The following ABR variants were observed in gnomAD, a reference collection of about 807,000 sequenced individuals.
The protein encoded by ABR is ABR activator of RhoGEF and GTPase.
Under a neutral mutation model 107.2 loss-of-function variants are expected in ABR, and 35 were observed. The observed-to-expected ratio is 0.33, with a 90% CI of 0.25 to 0.43. The LOEUF (loss-of-function observed/expected upper bound fraction) is 0.43. Among genes scored for constraint, ABR ranks in the 20% least tolerant of loss-of-function variants. The pLI, the probability that ABR is intolerant of heterozygous loss-of-function variation, is 1.00. For missense variants in ABR, 815 were observed against 1,115.2 expected, an observed-to-expected ratio of 0.73 and a Z score of 3.83; for synonymous variants, 498 against 462.0, an observed-to-expected ratio of 1.08 and a Z score of -1.00.
intron 2 of ABR, among the ~76,000 whole-genome samples, chr17:1,107,245 C>T (rs750666391): frequency 5.3e-5 from 8 of 152,212 alleles, no homozygotes; most frequent in African/African-American, 1.7e-4. Flanking sequence ...TCTTGGCATC[C>T]GTGGGCCACC....
chr17:1,126,119 G>A (rs570590534), intron 1 of ABR, among the ~76,000 whole-genome samples: 2 of 152,326 alleles, frequency 1.3e-5, no homozygotes, highest in Non-Finnish European at 2.9e-5. Flanking sequence ...GGGCTCCAGA[G>A]CCCAGGCACG....
rs200428540 is a variant in ABR, at chr17:1,012,674, G to A, written c.1961+14C>T. ...CACCGACGCCAGGACTGGGAGACCC[G>A]AGGCAGCACCTACTTCGTCACCACG... On this transcript the variant is annotated intron_variant, in intron 18 of 22. Coordinates refer to ENST00000302538, the MANE Select transcript of ABR (RefSeq NM_021962.5). 154 of 1,559,744 alleles carry A rather than the reference G, an allele frequency of 9.9e-5. No homozygotes were observed. The highest frequency in any genetic ancestry group is 6.7e-4 in the Middle Eastern group (4 of 5,932).
At chr17:1,199,059 A>AAG (rs2042624273) in intron 1 of ABR, among the ~76,000 whole-genome samples, 1 of 148,580 alleles carries the variant, frequency 6.7e-6, no homozygotes, top group Admixed American at 6.7e-5. Context: ...GACTCGAAAA[A>AAG]AAAAAAAAGA....
At chr17:1,056,698 C>A (rs573656320) in intron 13 of ABR, among the ~76,000 whole-genome samples, 1 of 152,172 alleles carries the variant, frequency 6.6e-6, no homozygotes, top group South Asian at 2.1e-4. Context: ...ATTTCCCATA[C>A]ACCATTTTAT....
intron 16 of ABR, chr17:1,031,654 G>C (rs1014424539): frequency 7.9e-7 from 1 of 1,258,718 alleles, no homozygotes; most frequent in Admixed American, 4.2e-5. Flanking sequence ...CCGGTGTTGG[G>C]GGGGCGCTTG....
At chr17:1,221,896 G>A (rs768164329) in intron 1 of ABR, among the ~76,000 whole-genome samples, 6 of 152,078 alleles carry the variant, frequency 3.9e-5, no homozygotes, top group Non-Finnish European at 7.4e-5. Context: ...TAGGGACAGC[G>A]GTAAGTAAAA....
intron 1 of ABR, among the ~76,000 whole-genome samples, chr17:1,153,043 G>T (rs145698775): frequency 1.1e-3 from 165 of 152,296 alleles, no homozygotes; most frequent in African/African-American, 3.7e-3. Context: ...TTGCACTCCA[G>T]CCTGAGCAAC....
intron 2 of ABR, among the ~76,000 whole-genome samples, chr17:1,124,787 T>G (rs2039515093): frequency 6.6e-6 from 1 of 152,106 alleles, no homozygotes; most frequent in South Asian, 2.1e-4. Flanking sequence ...GGGAGCAGCA[T>G]CTGAACACCT....
At chr17:1,191,049 C>T (rs982897263), upstream of ABR, among the ~76,000 whole-genome samples, 1 of 152,310 alleles carries the variant, frequency 6.6e-6, no homozygotes, top group African/African-American at 2.4e-5. Context: ...GTAACCACCA[C>T]GCCGGCCCGA....
chr17:1,033,969 ATTT>A (rs560978094), intron 16 of ABR, among the ~76,000 whole-genome samples: 94 of 124,558 alleles, frequency 7.5e-4, no homozygotes, highest in South Asian at 1.6e-3. Context: ...CACTCATGTC[ATTT>A]TTTTTTTTTT....
chr17:1,027,948 G>A lies in ABR; in HGVS notation c.1792-14784C>T, dbSNP rs1482489671. 2.0e-5 allele frequency among the ~76,000 whole-genome samples: 3 copies of A among 152,056 alleles called. No individual in the cohort carries two copies. The highest frequency in any genetic ancestry group is 4.8e-5 in the African/African-American group (2 of 41,392). ...TTGTACCCAGCACCTGTGTACCCTCGATGGCCAAGTGAGTGGTAGAGTGAA... is the reference window on the plus strand; with the variant it reads ...TTGTACCCAGCACCTGTGTACCCTCAATGGCCAAGTGAGTGGTAGAGTGAA... On this transcript the variant is annotated intron_variant, in intron 16 of 22. Transcript: ENST00000302538. The surrounding 1 kb of genome is among the most constrained non-coding windows in gnomAD (Gnocchi z 4.7).
rs898745947 is a variant in ABR, at chr17:1,005,521, G to A, written c.*559C>T. On this transcript the variant is annotated 3_prime_UTR_variant, in exon 23 of 23. Transcript: ENST00000302538. The stretch of plus-strand genomic sequence containing the variant: ...GACCACTGCTGCCGCGGCAACCCAG[G>A]GCCTCTTCAGAGCTTTCAAGGCGAT... 1 of 212,022 alleles carries A rather than the reference G, an allele frequency of 4.7e-6. No homozygotes were observed. The highest frequency in any genetic ancestry group is 5.8e-5 in the Admixed American group (1 of 17,246). The allele number at this position is 212,022 out of a possible 1,614,324, so 13.1% of individuals were successfully genotyped here. A position where few individuals can be genotyped will look rare whatever the true frequency, so the allele number is the denominator to read the frequency against.
Position 1,078,245 on chromosome 17 carries a change from T to G in ABR, c.700+1085A>C, listed in dbSNP as rs1189024866. Among the ~76,000 whole-genome samples, 5 of 151,812 alleles carry G rather than the reference T, an allele frequency of 3.3e-5. No individual in the cohort carries two copies. The South Asian group carries it at 1.0e-3, about 32-fold the overall frequency. On this transcript the variant is annotated intron_variant, in intron 6 of 22. Coordinates refer to ENST00000302538, the MANE Select transcript of ABR (RefSeq NM_021962.5). The surrounding 1 kb of genome is among the most constrained non-coding windows in gnomAD (Gnocchi z 7.5). ...TCTCTCACGGCTGGAAACAAACCTC[T>G]CCTTCCTGCTCCCACAGCCCCTCCG... is the stretch of plus-strand genomic sequence containing the variant.
rs1045949476 is a variant in ABR, at chr17:1,010,518, G to T, written c.2236+211C>A. 4.7e-5 allele frequency: 29 copies of T among 623,196 alleles called. No homozygotes were observed. Among genetic ancestry groups the T allele is most frequent in the African/African-American group, 4.6e-4 (25 of 54,128 alleles). 38.6% of individuals were successfully genotyped at this position (623,196 alleles called of 1,614,324 possible). On this transcript the variant is annotated intron_variant, in intron 20 of 22. Coordinates refer to ENST00000302538, the MANE Select transcript of ABR (RefSeq NM_021962.5). The surrounding 1 kb of genome is among the most constrained non-coding windows in gnomAD (Gnocchi z 4.1). The stretch of plus-strand genomic sequence containing the variant: ...GGGGCTGCCCATGGGGACATCAGGG[G>T]CAAGAGGCAGGCGAGAAAGGGCCCA...
At chr17:1,019,752 G>C (rs1038768709) in intron 16 of ABR, among the ~76,000 whole-genome samples, 2 of 152,270 alleles carry the variant, frequency 1.3e-5, no homozygotes, top group African/African-American at 4.8e-5. Flanking sequence ...GATTAGCACC[G>C]GGGTGGAGGG....
chr17:1,023,007 A>C (rs149760402), intron 16 of ABR, among the ~76,000 whole-genome samples: 2,033 of 136,472 alleles, frequency 0.015, 128 homozygotes, highest in African/African-American at 0.056. Context: ...TCCGCTCCAG[A>C]GCCTCTGCCG....
intron 16 of ABR, among the ~76,000 whole-genome samples, chr17:1,041,696 A>G (rs911616068): frequency 6.6e-6 from 1 of 152,176 alleles, no homozygotes; most frequent in African/African-American, 2.4e-5. Flanking sequence ...CTGCGCCATT[A>G]CACTCAGCCT....
chr17:1,227,233 C>T (rs1229835773), intron 1 of ABR, among the ~76,000 whole-genome samples: 1 of 152,144 alleles, frequency 6.6e-6, no homozygotes, highest in Non-Finnish European at 1.5e-5. Flanking sequence ...CGACGACTCA[C>T]AGAAATAAAA....
At chr17:1,099,654 C>A (rs2037734131) in intron 3 of ABR, among the ~76,000 whole-genome samples, 1 of 152,196 alleles carries the variant, frequency 6.6e-6, no homozygotes, top group Non-Finnish European at 1.5e-5. Flanking sequence ...ATCTAAGGAG[C>A]ACTTTCTTCC....
Sources: gnomAD v4.1 joint callset for allele counts (sites outside exome capture counted in the v4.1 genomes callset) on GRCh38, gnomAD v4.1.1 for gene constraint, Gnocchi (gnomAD v3.1) non-coding constraint, MANE v1.5 for transcripts, NCBI Gene and HGNC (gene_info 2026-07-23, HGNC 2026-07-21) for gene names.